EYS: variants seen among roughly 807,000 people sequenced by gnomAD.
EYS encodes EGF-like photoreceptor maintenance factor, also known as protein eyes shut homolog.
Under a neutral mutation model 282.1 loss-of-function variants are expected in EYS, and 250 were observed. The observed-to-expected ratio is 0.89, with a 90% CI of 0.80 to 0.98. EYS has a LOEUF of 0.98. Among genes scored for constraint, EYS ranks in the 50% least tolerant of loss-of-function variants. EYS has a pLI of 0.00. For synonymous variants in EYS, 1,355 were observed against 1,282.9 expected, an observed-to-expected ratio of 1.06 and a Z score of -1.20; for missense variants, 4,016 against 3,709.0, an observed-to-expected ratio of 1.08 and a Z score of -2.15.
Position 64,813,590 on chromosome 6 carries a change from A to C in EYS, c.3244-13T>G. The C allele has an allele frequency of 6.6e-7, 1 of 1,503,902 alleles. No homozygotes were observed. Among genetic ancestry groups the C allele is most frequent in the Non-Finnish European group, 9.0e-7 (1 of 1,114,924 alleles). 93.2% of individuals were successfully genotyped at this position (1,503,902 alleles called of 1,614,324 possible). On this transcript the variant is annotated splice_polypyrimidine_tract_variant and intron_variant, in intron 21 of 42. Transcript: ENST00000503581. The stretch of plus-strand genomic sequence containing the variant: ...TTGATGTGCAGTCCTAGATTAAGAA[A>C]TAGAGAATCAAATTTGATTATTAGT...
chr6:64,226,617 T>TA (rs1307929114), intron 31 of EYS, among the ~76,000 whole-genome samples: 1 of 152,110 alleles, frequency 6.6e-6, no homozygotes, highest in African/African-American at 2.4e-5. Flanking sequence ...TATATGCTCT[T>TA]ATGTTTCCCT....
intron 33 of EYS, among the ~76,000 whole-genome samples, chr6:64,025,303 C>T (rs1419144490): frequency 2.0e-5 from 3 of 152,096 alleles, no homozygotes; most frequent in Admixed American, 6.6e-5. Context: ...TGAGGATCGA[C>T]AGAGAGGAAA....
At chr6:64,507,281 C>A (rs1350075587) in intron 26 of EYS, among the ~76,000 whole-genome samples, 1 of 152,034 alleles carries the variant, frequency 6.6e-6, no homozygotes, top group Non-Finnish European at 1.5e-5. Flanking sequence ...CCAACATTCT[C>A]AGCAAACTAT....
chr6:63,741,229 A>T (rs1195236371), intron 41 of EYS, among the ~76,000 whole-genome samples: 1 of 152,158 alleles, frequency 6.6e-6, no homozygotes, highest in Non-Finnish European at 1.5e-5. Context: ...TATGGTCTTT[A>T]TTATAAATAG....
intron 30 of EYS, among the ~76,000 whole-genome samples, chr6:64,268,628 G>C (rs1406844564): frequency 6.6e-6 from 1 of 152,088 alleles, no homozygotes; most frequent in African/African-American, 2.4e-5. Flanking sequence ...GAATATGCTG[G>C]AAGTATATAT....
chr6:65,690,307 G>A (rs1345932481), intron 1 of EYS, among the ~76,000 whole-genome samples: 3 of 150,030 alleles, frequency 2.0e-5, no homozygotes, highest in Admixed American at 6.7e-5. Flanking sequence ...TTCTCAGAAG[G>A]GAGTATGCCT....
intron 40 of EYS, 78 bp downstream of exon 40, chr6:63,777,928 C>T (rs1770105818): frequency 7.8e-7 from 1 of 1,288,084 alleles, no homozygotes; most frequent in Non-Finnish European, 1.1e-6. Flanking sequence ...CTAGTTTGTA[C>T]AAGTGGAATG....
intron 11 of EYS, among the ~76,000 whole-genome samples, chr6:65,309,250 C>G (rs1291805235): frequency 6.6e-6 from 1 of 152,046 alleles, no homozygotes; most frequent in South Asian, 2.1e-4. Context: ...TGTTTTATCT[C>G]CGTTAACATA....
chr6:65,009,125 T>C (rs577406266), intron 13 of EYS, among the ~76,000 whole-genome samples: 1 of 152,154 alleles, frequency 6.6e-6, no homozygotes, highest in East Asian at 1.9e-4. Flanking sequence ...TCCTAAAGTC[T>C]AGGCAACAGA....
At chr6:64,129,737 T>G (rs549855879) in intron 31 of EYS, among the ~76,000 whole-genome samples, 3 of 152,320 alleles carry the variant, frequency 2.0e-5, no homozygotes, top group South Asian at 2.1e-4. Flanking sequence ...TTGCCTAGGT[T>G]TTTTTCTAGG....
Position 63,962,647 on chromosome 6 carries a change from G to T in EYS, c.7055+21736C>A, listed in dbSNP as rs1181467482. On this transcript the variant is annotated intron_variant, in intron 35 of 42. Transcript: ENST00000503581. ...AGGATGTGGAGAAAAAGGAACACTT[G>T]TACACTGTTGGTGGGACTGTAAACT... 6.6e-5 allele frequency among the ~76,000 whole-genome samples: 10 copies of T among 152,156 alleles called. No homozygotes were observed. The South Asian group carries it at 1.4e-3, about 22-fold the overall frequency.
intron 29 of EYS, among the ~76,000 whole-genome samples, chr6:64,345,333 G>T (rs1476810751): frequency 6.6e-6 from 1 of 152,088 alleles, no homozygotes; most frequent in Non-Finnish European, 1.5e-5. Flanking sequence ...AAACAGCATG[G>T]TACTGGTACC....
chr6:65,331,325 T>C (rs1769789081), intron 11 of EYS: 7 of 695,674 alleles, frequency 1.0e-5, no homozygotes, highest in Non-Finnish European at 1.2e-5. Context: ...CTCTTTTTCA[T>C]TGAGCTTAGT....
chr6:65,278,074 G>C (rs6922583), intron 12 of EYS, among the ~76,000 whole-genome samples: 2 of 22,568 alleles, frequency 8.9e-5, no homozygotes, highest in South Asian at 2.5e-3. Flanking sequence ...TCTGCCTTCC[G>C]TCTTAAACTG....
rs546764423 is a variant in EYS, at chr6:64,443,690, T to C, written c.5645-4338A>G. 1.4e-3 allele frequency among the ~76,000 whole-genome samples: 210 copies of C among 152,292 alleles called. 1 individual carries two copies. The highest frequency in any genetic ancestry group is 3.9e-3 in the South Asian group (19 of 4,822). ...ATAGTTTTAAAAACAAGAGTTTCTC[T>C]CTTTGCCTGCTGCCATCTCTCTTTT... On this transcript the variant is annotated intron_variant, in intron 26 of 42. Coordinates refer to ENST00000503581, the MANE Select transcript of EYS (RefSeq NM_001142800.2).
intron 2 of EYS, among the ~76,000 whole-genome samples, chr6:65,584,308 G>A (rs1423665496): frequency 1.3e-5 from 2 of 152,032 alleles, no homozygotes; most frequent in Non-Finnish European, 2.9e-5. Context: ...AGGGCGTTAG[G>A]GCTGGCAATA....
At chr6:65,548,896 C>A (rs1416678392) in intron 2 of EYS, among the ~76,000 whole-genome samples, 1 of 152,192 alleles carries the variant, frequency 6.6e-6, no homozygotes. Context: ...GGTTCCCAAC[C>A]TTTTTGGCAC....
intron 22 of EYS, among the ~76,000 whole-genome samples, chr6:64,742,437 C>T (rs965864888): frequency 1.3e-5 from 2 of 152,056 alleles, no homozygotes; most frequent in African/African-American, 4.8e-5. Context: ...AAAATGAGCA[C>T]CTACTGTGGC....
intron 26 of EYS, among the ~76,000 whole-genome samples, chr6:64,568,794 A>G (rs1175953208): frequency 1.3e-5 from 2 of 152,124 alleles, no homozygotes; most frequent in East Asian, 1.9e-4. Flanking sequence ...ACAGGCAACA[A>G]TCTTTGTTGT....
Sources: gnomAD v4.1 joint callset for allele counts (sites outside exome capture counted in the v4.1 genomes callset) on GRCh38, gnomAD v4.1.1 for gene constraint, MANE v1.5 for transcripts, NCBI Gene and HGNC (gene_info 2026-07-23, HGNC 2026-07-21) for gene names.